The following IMPDH1 variants were observed in gnomAD, a reference collection of about 807,000 sequenced individuals.
The protein encoded by IMPDH1 is inosine monophosphate dehydrogenase 1.
IMPDH1 carries 41 observed loss-of-function variants against 73.5 expected under a neutral mutation model. That is an observed-to-expected ratio of 0.56 (90% CI 0.43 to 0.72). IMPDH1 has a LOEUF of 0.72. IMPDH1 is among the 30% of genes least tolerant of loss of function. The pLI is 0.00. For synonymous variants in IMPDH1, 318 were observed against 334.3 expected, an observed-to-expected ratio of 0.95 and a Z score of 0.53; for missense variants, 645 against 824.8, an observed-to-expected ratio of 0.78 and a Z score of 2.67.
At position 128,394,871 on chromosome 7, in the gene IMPDH1, G is replaced by A; in HGVS notation, c.1550+18C>T. 3 of 1,610,802 alleles carry A rather than the reference G, an allele frequency of 1.9e-6. No individual in the cohort carries two copies. Among genetic ancestry groups the A allele is most frequent in the South Asian group, 1.1e-5 (1 of 90,998 alleles). On this transcript the variant is annotated intron_variant, in intron 14 of 16. Transcript: ENST00000338791. The surrounding 1 kb of genome is among the most constrained non-coding windows in gnomAD (Gnocchi z 5.5). ...GTTGTGGGCTGATCTGCCCAGGTGG[G>A]GCCCAGGGTCAGGGAACCTGAAGTA...
intron 13 of IMPDH1, 41 bp downstream of exon 13, chr7:128,395,090 C>T (rs1298249596): frequency 1.2e-6 from 2 of 1,613,834 alleles, no homozygotes; most frequent in Middle Eastern, 1.6e-4. Context: ...CCCCAGCTTC[C>T]AGCCCTCGCC....
chr7:128,399,402 C>A (rs949351634), intron 9 of IMPDH1, among the ~76,000 whole-genome samples: 2 of 148,280 alleles, frequency 1.3e-5, no homozygotes, highest in Non-Finnish European at 3.0e-5. Flanking sequence ...TGTGGCAGGG[C>A]ATGGTGGTTC....
Position 128,398,744 on chromosome 7 carries a change from A to C in IMPDH1, c.875-131T>G. The stretch of plus-strand genomic sequence containing the variant: ...AAGTACCCCAGTCAGCCACTAGGTG[A>C]CAGCACCGCCCCCAGGAAGTGTTCC... On this transcript the variant is annotated intron_variant, in intron 9 of 16. Transcript: ENST00000338791. The surrounding 1 kb of genome is among the most constrained non-coding windows in gnomAD (Gnocchi z 4.3). 1 of 712,234 alleles carries C rather than the reference A, an allele frequency of 1.4e-6. No individual in the cohort carries two copies. 44.1% of individuals were successfully genotyped at this position (712,234 alleles called of 1,614,324 possible). A position where few individuals can be genotyped will look rare whatever the true frequency, so the allele number is the denominator to read the frequency against.
chr7:128,406,403 C>A (rs1356136530), intron 3 of IMPDH1, among the ~76,000 whole-genome samples: 3 of 150,320 alleles, frequency 2.0e-5, no homozygotes, highest in African/African-American at 4.9e-5. Flanking sequence ...GTTCCCCAAT[C>A]CCCAATACTC....
intron 4 of IMPDH1, among the ~76,000 whole-genome samples, chr7:128,404,290 G>T (rs1324671231): frequency 6.6e-6 from 1 of 152,164 alleles, no homozygotes; most frequent in Non-Finnish European, 1.5e-5. Flanking sequence ...TGAGTGCAGG[G>T]CATGTTCTGA....
chr7:128,399,293 G>A (rs1371950422), intron 9 of IMPDH1, among the ~76,000 whole-genome samples: 2 of 152,108 alleles, frequency 1.3e-5, no homozygotes, highest in Non-Finnish European at 2.9e-5. Flanking sequence ...TTGAACCCAG[G>A]AGGCAGAGAT....
chr7:128,395,262 C>A lies in IMPDH1; in HGVS notation c.1274G>T (p.Gly425Val). Reference protein sequence around the residue: ...ICITQEVMACGRPQGTAVYKV... With the variant: ...ICITQEVMACVRPQGTAVYKV... Reference sequence around the variant, plus strand: ...GTACACAGCAGTGCCCTGGGGCCGACCACAGGCCATCACTGGGGGAGGGTG... The same window carrying A: ...GTACACAGCAGTGCCCTGGGGCCGAACACAGGCCATCACTGGGGGAGGGTG... The change falls in exon 13 of 17, where the codon GGT becomes GTT. Residue 425 changes from glycine (G) to valine (V), a missense_variant. By Grantham distance (109) the Gly-to-Val change is moderately radical. Coordinates refer to ENST00000338791, the MANE Select transcript of IMPDH1 (RefSeq NM_000883.4). 6.2e-7 allele frequency: 1 copy of A among 1,613,478 alleles called. No individual in the cohort carries two copies. Among genetic ancestry groups the A allele is most frequent in the Non-Finnish European group, 8.5e-7 (1 of 1,180,032 alleles).
chr7:128,397,472 G>C (rs1049286948), intron 10 of IMPDH1, among the ~76,000 whole-genome samples: 6 of 152,232 alleles, frequency 3.9e-5, no homozygotes, highest in Admixed American at 6.5e-5. Flanking sequence ...GCGGTTCTCA[G>C]TAAACGTGAG....
intron 3 of IMPDH1, among the ~76,000 whole-genome samples, chr7:128,406,852 G>A (rs1203455693): frequency 6.6e-6 from 1 of 152,194 alleles, no homozygotes; most frequent in Non-Finnish European, 1.5e-5. Flanking sequence ...AGGATCATAA[G>A]CCTGGCTTAG....
intron 10 of IMPDH1, 93 bp from the exon 11 acceptor site, chr7:128,397,115 T>G (rs1216677255): frequency 2.4e-6 from 2 of 844,066 alleles, no homozygotes; most frequent in Non-Finnish European, 4.1e-6. Flanking sequence ...TCAAATCCTA[T>G]GAAAACTGTT....
At chr7:128,404,457 G>A (rs1562999296) in intron 4 of IMPDH1, among the ~76,000 whole-genome samples, 1 of 152,194 alleles carries the variant, frequency 6.6e-6, no homozygotes, top group African/African-American at 2.4e-5. Flanking sequence ...AGGCCTGCAT[G>A]GGTACATCTA....
Position 128,398,294 on chromosome 7 carries a change from G to T in IMPDH1, c.1074+120C>A. ...TGACACCAGGGAGCACTCAGAAAGA[G>T]AGAGGAAGAGTAGCAAGGGAGGGGC... On this transcript the variant is annotated intron_variant, in intron 10 of 16. Coordinates refer to ENST00000338791, the MANE Select transcript of IMPDH1 (RefSeq NM_000883.4). This position sits in a 1 kb window ranked among gnomAD's most constrained non-coding sequence, Gnocchi z 4.3. The T allele has an allele frequency of 1.3e-6, 1 of 769,606 alleles. No homozygotes were observed. The highest frequency in any genetic ancestry group is 2.2e-6 in the Non-Finnish European group (1 of 456,818). 47.7% of individuals were successfully genotyped at this position (769,606 alleles called of 1,614,324 possible).
chr7:128,401,887 A>G (rs1293267046), intron 5 of IMPDH1, among the ~76,000 whole-genome samples: 1 of 152,186 alleles, frequency 6.6e-6, no homozygotes, highest in Non-Finnish European at 1.5e-5. Context: ...GGGTCAGGCC[A>G]ACAGTAGTGG....
At chr7:128,393,784 G>A in intron 16 of IMPDH1, 1 of 255,524 alleles carries the variant, frequency 3.9e-6, no homozygotes, top group Non-Finnish European at 7.7e-6. Context: ...GACGCCCGCT[G>A]ATACCTGGGG....
chr7:128,394,367 AG>A lies in IMPDH1; in HGVS notation c.1695-7del. On this transcript the variant is annotated splice_polypyrimidine_tract_variant and splice_region_variant and intron_variant, in intron 15 of 16. Transcript: ENST00000338791. This position sits in a 1 kb window ranked among gnomAD's most constrained non-coding sequence, Gnocchi z 5.5. ...CTCCTGAGTACATCATGGACCTAGG[AG>A]GAAGGTAGGTGGAGCAGATCAGGGC... 1.9e-6 allele frequency: 3 copies of A among 1,613,792 alleles called. No homozygotes were observed. Among genetic ancestry groups the A allele is most frequent in the Non-Finnish European group, 2.5e-6 (3 of 1,179,764 alleles).
intron 5 of IMPDH1, 62 bp from the exon 6 acceptor site, chr7:128,401,178 G>T: frequency 8.1e-7 from 1 of 1,236,932 alleles, no homozygotes; most frequent in Non-Finnish European, 1.2e-6. Context: ...CACTCACTGA[G>T]CTCCTACATG....
In IMPDH1 at chr7:128,394,440, C is replaced by A. The variant is rs374288001; in HGVS notation, c.1694+16G>T. 1 of 1,614,090 alleles carries A rather than the reference C, an allele frequency of 6.2e-7. No homozygotes were observed. The highest frequency in any genetic ancestry group is 8.5e-7 in the Non-Finnish European group (1 of 1,180,014). On this transcript the variant is annotated intron_variant, in intron 15 of 16. Coordinates refer to ENST00000338791, the MANE Select transcript of IMPDH1 (RefSeq NM_000883.4). The surrounding 1 kb of genome is among the most constrained non-coding windows in gnomAD (Gnocchi z 5.5). ...AGAGAAAGGAAGCAGGAGCCACCCC[C>A]AGTCTCAGCACTCACCGAAGGACAG...
Position 128,392,373 on chromosome 7 carries a change from G to A in IMPDH1, c.*634C>T, listed in dbSNP as rs1803822. 0.018 allele frequency: 2,731 copies of A among 154,144 alleles called. 39 individuals carry two copies. The highest frequency in any genetic ancestry group is 0.055 in the South Asian group (271 of 4,920). 9.5% of individuals were successfully genotyped at this position (154,144 alleles called of 1,614,324 possible). A position where few individuals can be genotyped will look rare whatever the true frequency, so the allele number is the denominator to read the frequency against. ...GTGTGCAAAGTTAAAGCCTTCGACT[G>A]CAGCTGAGGAGAAGGGAGGAATGGT... is the stretch of plus-strand genomic sequence containing the variant. On this transcript the variant is annotated 3_prime_UTR_variant, in exon 17 of 17. Transcript: ENST00000338791.
rs747045610 is a variant in IMPDH1 at position 128,403,690 on chromosome 7, A to AG, written c.402+15dup. The AG allele has an allele frequency of 8.1e-6, 13 of 1,608,606 alleles. No individual in the cohort carries two copies. Among genetic ancestry groups the AG allele is most frequent in the Non-Finnish European group, 1.1e-5 (13 of 1,174,894 alleles). On this transcript the variant is annotated intron_variant, in intron 5 of 16. Coordinates refer to ENST00000338791, the MANE Select transcript of IMPDH1 (RefSeq NM_000883.4). Reference sequence around the variant, plus strand: ...ATACACAGCCCCCTCCCCTTGTCAAAGGAAGAGGTACTCACCACCTCATCA... The same window carrying AG: ...ATACACAGCCCCCTCCCCTTGTCAAAGGGAAGAGGTACTCACCACCTCATCA...
Sources: gnomAD v4.1 joint callset for allele counts (sites outside exome capture counted in the v4.1 genomes callset) on GRCh38, gnomAD v4.1.1 for gene constraint, Gnocchi (gnomAD v3.1) non-coding constraint, MANE v1.5 for transcripts, NCBI Gene and HGNC (gene_info 2026-07-23, HGNC 2026-07-21) for gene names.